The following DACH2 variants were observed in gnomAD, a reference collection of about 807,000 sequenced individuals.
DACH2 encodes dachshund family transcription factor 2.
In DACH2, 17 loss-of-function variants were observed where a neutral mutation model predicts 35.8. The observed-to-expected ratio is 0.48, with a 90% CI of 0.33 to 0.71. The LOEUF is 0.71. DACH2 is among the 30% of genes least tolerant of loss of function. The pLI, the probability that DACH2 is intolerant of heterozygous loss-of-function variation, is 0.02. For synonymous variants in DACH2, 195 were observed against 177.3 expected, an observed-to-expected ratio of 1.10 and a Z score of -0.79; for missense variants, 469 against 472.7, an observed-to-expected ratio of 0.99 and a Z score of 0.07.
At chrX:86,785,181 T>C (rs928149608) in intron 7 of DACH2, among the ~76,000 whole-genome samples, 67 of 111,290 alleles carry the variant, frequency 6.0e-4, no homozygotes, top group African/African-American at 2.2e-3. Flanking sequence ...AGAATTTAGG[T>C]AGGGGAGATG....
In DACH2 at chrX:86,432,238, TTTTG is replaced by T. The variant is rs1427446780; in HGVS notation, c.527+55384_527+55387del. On this transcript the variant is annotated intron_variant, in intron 2 of 11. Transcript: ENST00000373125. ...TTTGAGCAACAGAAAAGAAGCTGAT[TTTTG>T]TTTGTTTTCTCTTTGATTTGTTTGT... Among the ~76,000 whole-genome samples, 37 of 112,150 alleles carry T rather than the reference TTTTG, an allele frequency of 3.3e-4. 1 individual carries two copies. Among genetic ancestry groups the T allele is most frequent in the African/African-American group, 1.1e-3 (33 of 30,936 alleles).
chrX:86,152,079 T>C (rs2030386017), intron 1 of DACH2, among the ~76,000 whole-genome samples: 1 of 111,902 alleles, frequency 8.9e-6, no homozygotes, highest in Admixed American at 9.5e-5. Context: ...AGTAAATGTT[T>C]AGCGAATAGA....
At chrX:86,459,141 TTTTC>T (rs2037525363) in intron 2 of DACH2, among the ~76,000 whole-genome samples, 1 of 111,855 alleles carries the variant, frequency 8.9e-6, no homozygotes, top group Non-Finnish European at 1.9e-5. Flanking sequence ...AATATAAACA[TTTTC>T]TTTCCACCTC....
rs754598394 is a variant in DACH2, at chrX:86,400,038, C to CT, written c.527+23180dup. Among the ~76,000 whole-genome samples, 6 of 111,849 alleles carry CT rather than the reference C, an allele frequency of 5.4e-5. No individual in the cohort carries two copies. In the East Asian group the frequency reaches 1.7e-3, roughly 32 times the overall value. On this transcript the variant is annotated intron_variant, in intron 2 of 11. Transcript: ENST00000373125. ...TACACCAATCAGATGTAGATTTGGT[C>CT]TTTTCACATAGTCCCATATTTCTTG...
intron 1 of DACH2, among the ~76,000 whole-genome samples, chrX:86,263,321 G>A (rs1051189210): frequency 4.5e-5 from 5 of 111,434 alleles, no homozygotes; most frequent in Admixed American, 9.6e-5. Flanking sequence ...AACGGCATTA[G>A]AAGAATAGCA....
chrX:86,728,303 G>T (rs2041493815), intron 6 of DACH2, among the ~76,000 whole-genome samples: 1 of 112,132 alleles, frequency 8.9e-6, no homozygotes, highest in East Asian at 2.8e-4. Context: ...TGGCCTGGCT[G>T]CTTCTAACAA....
In DACH2 at chrX:86,754,004, A is replaced by C. The variant is rs139409464; in HGVS notation, c.1240+14122A>C. 7.1e-3 allele frequency among the ~76,000 whole-genome samples: 789 copies of C among 110,864 alleles called. 8 individuals carry two copies. Among genetic ancestry groups the C allele is most frequent in the African/African-American group, 0.024 (747 of 30,634 alleles). On this transcript the variant is annotated intron_variant, in intron 7 of 11. Coordinates refer to ENST00000373125, the MANE Select transcript of DACH2 (RefSeq NM_053281.3). The stretch of plus-strand genomic sequence containing the variant: ...ACCACCATGAGAGCATCACAGAAAC[A>C]GCTAAGCATAGATTTAGATCCGTAA...
chrX:86,331,483 C>G (rs749180197), intron 1 of DACH2, among the ~76,000 whole-genome samples: 2 of 110,523 alleles, frequency 1.8e-5, no homozygotes, highest in African/African-American at 6.6e-5. Flanking sequence ...AACAAACAAA[C>G]AAACAAAAAA....
chrX:86,227,622 CT>C (rs375257145), intron 1 of DACH2, among the ~76,000 whole-genome samples: 1,764 of 101,635 alleles, frequency 0.017, 18 homozygotes, highest in African/African-American at 0.041. Context: ...CTGATAGATT[CT>C]TTTTTTTTTT....
chrX:86,344,055 A>G (rs1490757828), intron 1 of DACH2, among the ~76,000 whole-genome samples: 1 of 110,200 alleles, frequency 9.1e-6, no homozygotes, highest in Non-Finnish European at 1.9e-5. Context: ...TAAATAACTC[A>G]AAGGTGTAAT....
chrX:86,590,806 T>G (rs2039634859), intron 3 of DACH2, among the ~76,000 whole-genome samples: 1 of 111,338 alleles, frequency 9.0e-6, no homozygotes, highest in South Asian at 3.7e-4. Flanking sequence ...ATTTATTTAT[T>G]TATTTTTAAA....
intron 1 of DACH2, among the ~76,000 whole-genome samples, chrX:86,295,071 A>G (rs2034416493): frequency 8.9e-6 from 1 of 112,782 alleles, no homozygotes. Flanking sequence ...GCAATCAGCC[A>G]GACTCCGTGG....
At chrX:86,222,508 G>C (rs960917681) in intron 1 of DACH2, among the ~76,000 whole-genome samples, 3 of 111,535 alleles carry the variant, frequency 2.7e-5, no homozygotes, top group Non-Finnish European at 3.8e-5. Context: ...TTGGGAATTG[G>C]GTACAAAACA....
intron 1 of DACH2, among the ~76,000 whole-genome samples, chrX:86,246,041 A>C (rs1176346965): frequency 8.9e-6 from 1 of 111,840 alleles, no homozygotes; most frequent in East Asian, 2.8e-4. Context: ...TATTAGCAAC[A>C]GAATACACCA....
intron 3 of DACH2, among the ~76,000 whole-genome samples, chrX:86,605,195 A>C (rs191947821): frequency 1.4e-3 from 156 of 111,332 alleles, no homozygotes; most frequent in Non-Finnish European, 2.1e-3. Flanking sequence ...TTGGACTTTC[A>C]TTTTAGTTAT....
intron 3 of DACH2, among the ~76,000 whole-genome samples, chrX:86,554,037 ATG>A (rs757453377): frequency 1.8e-5 from 2 of 109,586 alleles, no homozygotes; most frequent in African/African-American, 3.3e-5. Flanking sequence ...GTATGCTTGC[ATG>A]TGTGTGTGTG....
chrX:86,674,297 C>T (rs1166356833), intron 4 of DACH2, among the ~76,000 whole-genome samples: 1 of 112,596 alleles, frequency 8.9e-6, no homozygotes, highest in Non-Finnish European at 1.9e-5. Context: ...CGTCTAGCCA[C>T]AGTCTCTTAA....
intron 2 of DACH2, 99 bp from the exon 3 acceptor site, chrX:86,514,180 G>A: frequency 1.4e-6 from 1 of 737,097 alleles, no homozygotes; most frequent in Non-Finnish European, 2.0e-6. Flanking sequence ...ATCACTTTTG[G>A]CAATTAAACA....
chrX:86,306,298 C>G (rs2034686248), intron 1 of DACH2, among the ~76,000 whole-genome samples: 2 of 112,018 alleles, frequency 1.8e-5, no homozygotes, highest in Non-Finnish European at 3.8e-5. Flanking sequence ...TTTGCAGCAA[C>G]ATGGATAAAC....
Sources: allele counts gnomAD v4.1 joint callset (sites outside exome capture counted in the v4.1 genomes callset), GRCh38; gene constraint gnomAD v4.1.1; transcripts MANE v1.5; gene names NCBI Gene and HGNC (gene_info 2026-07-23, HGNC 2026-07-21).